Variants in RASGRP3 observed in about 807,000 individuals in gnomAD.
RASGRP3 encodes ras guanyl-releasing protein 3.
A neutral mutation model predicts 82.7 loss-of-function variants in RASGRP3; 54 were observed. The ratio of observed to expected loss-of-function variants is 0.65; its 90% confidence interval spans 0.52 to 0.82. The LOEUF (loss-of-function observed/expected upper bound fraction) is 0.82. RASGRP3 is among the 40% of genes least tolerant of loss of function. The pLI is 0.00. For synonymous variants in RASGRP3, 309 were observed against 300.5 expected (o/e 1.03, Z -0.29); for missense variants, 861 against 828.9 (o/e 1.04, Z -0.48).
chr2:33,501,393 A>G (rs75336470), intron 1 of RASGRP3, among the ~76,000 whole-genome samples: 7,357 of 152,256 alleles, frequency 0.048, 266 homozygotes, highest in Middle Eastern at 0.075. Flanking sequence ...ACATTTTTCA[A>G]TTCTCTTGGG....
At chr2:33,465,189 G>A (rs1303335729) in intron 2 of RASGRP3, among the ~76,000 whole-genome samples, 1 of 152,188 alleles carries the variant, frequency 6.6e-6, no homozygotes. Context: ...AAGCAAAACA[G>A]CCTTATTGCT....
intron 1 of RASGRP3, among the ~76,000 whole-genome samples, chr2:33,484,553 T>C (rs766005970): frequency 1.3e-5 from 2 of 151,982 alleles, no homozygotes; most frequent in Non-Finnish European, 2.9e-5. Flanking sequence ...TTTTTTATGG[T>C]AAGGACAGCA....
At chr2:33,479,588 C>T (rs965822825) in intron 1 of RASGRP3, among the ~76,000 whole-genome samples, 2 of 152,014 alleles carry the variant, frequency 1.3e-5, no homozygotes, top group African/African-American at 2.4e-5. Context: ...GGGTGGGTCA[C>T]GGGGCAGGGG....
Position 33,548,842 on chromosome 2 carries a change from C to T in RASGRP3, c.1395-762C>T, listed in dbSNP as rs140776055. 3.2e-4 allele frequency among the ~76,000 whole-genome samples: 49 copies of T among 152,230 alleles called. 1 individual carries two copies. Among genetic ancestry groups the T allele is most frequent in the African/African-American group, 1.1e-3 (46 of 41,552 alleles). ...TAGCTGGGATTATAGGCACACACCA[C>T]CACGTCCAGCTAATTTTTGTGTTTT... is the stretch of plus-strand genomic sequence containing the variant. On this transcript the variant is annotated intron_variant, in intron 13 of 17. Coordinates refer to ENST00000403687, the MANE Select transcript of RASGRP3 (RefSeq NM_001139488.2).
At chr2:33,552,784 T>A (rs1017247991) in intron 14 of RASGRP3, among the ~76,000 whole-genome samples, 36 of 151,950 alleles carry the variant, frequency 2.4e-4, no homozygotes, top group Admixed American at 4.6e-4. Flanking sequence ...TCTGGAGAAG[T>A]TAAGTGACTT....
At chr2:33,520,125 C>G in intron 5 of RASGRP3, 111 bp downstream of exon 5, 1 of 856,722 alleles carries the variant, frequency 1.2e-6, no homozygotes, top group South Asian at 1.7e-5. Context: ...TACTCTGATA[C>G]CCCTCCCACC....
chr2:33,518,329 G>T (rs185268418), intron 4 of RASGRP3, among the ~76,000 whole-genome samples: 1 of 152,280 alleles, frequency 6.6e-6, no homozygotes, highest in Non-Finnish European at 1.5e-5. Context: ...CATAGAAAAG[G>T]TGCAGTAAAA....
intron 7 of RASGRP3, 92 bp downstream of exon 7, chr2:33,522,194 CT>C: frequency 7.2e-7 from 1 of 1,391,742 alleles, no homozygotes; most frequent in Non-Finnish European, 9.8e-7. Flanking sequence ...GTGTTGGCAG[CT>C]TCTATCACTG....
At chr2:33,520,515 C>G in intron 5 of RASGRP3, 38 bp from the exon 6 acceptor site, 1 of 1,610,060 alleles carries the variant, frequency 6.2e-7, no homozygotes, top group Non-Finnish European at 8.5e-7. Context: ...AACCAACTTG[C>G]AATCTTCCAG....
intron 13 of RASGRP3, among the ~76,000 whole-genome samples, chr2:33,547,458 G>A (rs4258776): frequency 0.42 from 61,178 of 145,882 alleles, 12,994 homozygotes; most frequent in African/African-American, 0.54. Flanking sequence ...GGGATCTTAA[G>A]TTCTCAAGCC....
upstream of RASGRP3, among the ~76,000 whole-genome samples, chr2:33,473,613 G>T (rs1432995560): frequency 1.3e-5 from 2 of 152,150 alleles, no homozygotes; most frequent in African/African-American, 4.8e-5. Context: ...CTTGGAACTG[G>T]TAGGGAGTGT....
Position 33,520,053 on chromosome 2 carries a change from G to C in RASGRP3, c.236+39G>C, listed in dbSNP as rs368067717. On this transcript the variant is annotated intron_variant, in intron 5 of 17. Coordinates refer to ENST00000403687, the MANE Select transcript of RASGRP3 (RefSeq NM_001139488.2). ...CAAATTTAATTTCTTGTAGTTTCTGGTTCTGGAATCGTGGACAATTTCCTT... is the reference window on the plus strand; with the variant it reads ...CAAATTTAATTTCTTGTAGTTTCTGCTTCTGGAATCGTGGACAATTTCCTT... The C allele has an allele frequency of 1.1e-5, 16 of 1,492,224 alleles. No homozygotes were observed. In the South Asian group the frequency reaches 1.2e-4, roughly 11 times the overall value. 92.4% of individuals were successfully genotyped at this position (1,492,224 alleles called of 1,614,324 possible).
chr2:33,493,257 C>T (rs1319701551), intron 1 of RASGRP3: 1 of 152,190 alleles, frequency 6.6e-6, no homozygotes, highest in African/African-American at 2.4e-5. Context: ...CAGACGAATC[C>T]ACTTATCCCA....
At chr2:33,455,787 C>A (rs1666005586) in intron 2 of RASGRP3, among the ~76,000 whole-genome samples, 2 of 152,166 alleles carry the variant, frequency 1.3e-5, no homozygotes, top group South Asian at 4.1e-4. Flanking sequence ...GTTCAAATTC[C>A]TTAAAGGAGT....
At chr2:33,547,033 G>C (rs1413515352) in intron 13 of RASGRP3, among the ~76,000 whole-genome samples, 1 of 130,868 alleles carries the variant, frequency 7.6e-6, no homozygotes, top group Non-Finnish European at 1.6e-5. Context: ...TGGGTAACAA[G>C]AGCGAATCTC....
At chr2:33,556,928 C>CACACACAT (rs1553366467) in intron 15 of RASGRP3, among the ~76,000 whole-genome samples, 1 of 148,306 alleles carries the variant, frequency 6.7e-6, no homozygotes, top group African/African-American at 2.5e-5. Context: ...CACACACACA[C>CACACACAT]GCAATTTTAT....
At chr2:33,546,843 G>A (rs1032431433) in intron 13 of RASGRP3, among the ~76,000 whole-genome samples, 10 of 152,180 alleles carry the variant, frequency 6.6e-5, no homozygotes, top group African/African-American at 2.2e-4. Context: ...TGAGGCAGGC[G>A]GAACACCTGA....
At chr2:33,516,483 T>A in intron 3 of RASGRP3, 59 bp from the exon 4 acceptor site, 1 of 1,188,602 alleles carries the variant, frequency 8.4e-7, no homozygotes, top group Admixed American at 2.1e-5. Context: ...CTACTGATGT[T>A]AGAAAAAGTA....
rs1666983192 is a variant in RASGRP3 at position 33,470,383 on chromosome 2, T to C, written c.-261+22440T>C. On this transcript the variant is annotated intron_variant, in intron 2 of 18. Transcript: ENST00000402538. ...ATAAATAATACTATAACTAAGAATT[T>C]TTTTTTTTTTTTTTGAGATGGAGTC... Among the ~76,000 whole-genome samples, 3 of 25,694 alleles carry C rather than the reference T, an allele frequency of 1.2e-4. No homozygotes were observed. In the South Asian group the frequency reaches 2.2e-3, roughly 19 times the overall value. 16.9% of individuals were successfully genotyped at this position (25,694 alleles called of 152,430 possible).
Sources: allele counts gnomAD v4.1 joint callset (sites outside exome capture counted in the v4.1 genomes callset), GRCh38; gene constraint gnomAD v4.1.1; transcripts MANE v1.5; gene names NCBI Gene and HGNC (gene_info 2026-07-23, HGNC 2026-07-21).